Variants in LRP1B observed in about 807,000 individuals in gnomAD.
LRP1B encodes the protein low-density lipoprotein receptor-related protein 1B.
A neutral mutation model predicts 556.6 loss-of-function variants in LRP1B; 217 were observed. The observed-to-expected ratio is 0.39, with a 90% CI of 0.35 to 0.44. The LOEUF (loss-of-function observed/expected upper bound fraction) is 0.44, where lower values mean the gene tolerates loss of function less well. Ranked by LOEUF, LRP1B falls within the 20% of genes least tolerant of loss-of-function variation. The pLI is 1.00. For synonymous variants in LRP1B, 2,047 were observed against 1,865.8 expected, an observed-to-expected ratio of 1.10 and a Z score of -2.50; for missense variants, 5,053 against 5,620.8, an observed-to-expected ratio of 0.90 and a Z score of 3.23.
intron 1 of LRP1B, among the ~76,000 whole-genome samples, chr2:141,992,976 TC>T (rs1374089263): frequency 1.3e-5 from 2 of 152,140 alleles, no homozygotes; most frequent in Non-Finnish European, 2.9e-5. Flanking sequence ...GGCTGAATTT[TC>T]CAGGCAAATT....
chr2:141,698,756 G>A (rs777959528), intron 2 of LRP1B, among the ~76,000 whole-genome samples: 5 of 151,670 alleles, frequency 3.3e-5, no homozygotes, highest in African/African-American at 4.8e-5. Context: ...AAGAGCTTAG[G>A]GCATTAACTT....
At chr2:140,240,953 CACTTGCCAA>C (rs901981572) in intron 87 of LRP1B, among the ~76,000 whole-genome samples, 3 of 150,836 alleles carry the variant, frequency 2.0e-5, no homozygotes, top group Non-Finnish European at 4.5e-5. Context: ...CATACTGGAC[CACTTGCCAA>C]ATACCAAAAA....
intron 1 of LRP1B, among the ~76,000 whole-genome samples, chr2:141,918,528 T>C (rs1700098756): frequency 6.6e-6 from 1 of 152,070 alleles, no homozygotes; most frequent in Admixed American, 6.6e-5. Flanking sequence ...GTTTGGGAGC[T>C]GCTATGAGGG....
rs772669465 is a variant in LRP1B, at chr2:140,495,666, C to T, written c.8933G>A (p.Cys2978Tyr). 1.2e-6 allele frequency: 2 copies of T among 1,613,950 alleles called. No individual in the cohort carries two copies. Among genetic ancestry groups the T allele is most frequent in the Non-Finnish European group, 1.7e-6 (2 of 1,179,882 alleles). Residue 2978 changes from cysteine to tyrosine, a missense_variant, in exon 56 of 91, where the codon TGT (cysteine) becomes TAT (tyrosine). Around this residue, in one of 5 missense-constraint regions of LRP1B, gnomAD observed 3,619 missense variants for 3,931.9 expected, o/e 0.92. Transcript: ENST00000389484. ...GTATGTATTGATGCATTGCTGGCTA[C>T]AGGGAAAGCCTGAAGAGCATTCATC... ...DIDECSSGFPCSQQCINTYGT... is the reference protein window; with the variant it reads ...DIDECSSGFPYSQQCINTYGT...
At chr2:142,040,511 T>C (rs1026175491) in intron 1 of LRP1B, among the ~76,000 whole-genome samples, 1 of 151,302 alleles carries the variant, frequency 6.6e-6, no homozygotes, top group East Asian at 1.9e-4. Flanking sequence ...CTTATTCTTC[T>C]TGATAAAGAT....
chr2:140,634,682 A>G (rs1437072322), intron 41 of LRP1B, among the ~76,000 whole-genome samples: 1 of 152,108 alleles, frequency 6.6e-6, no homozygotes, highest in Non-Finnish European at 1.5e-5. Flanking sequence ...ACTTCCTCTC[A>G]ATTATTAATA....
At chr2:141,216,784 C>T (rs300376) in intron 6 of LRP1B, among the ~76,000 whole-genome samples, 151,735 of 152,324 alleles carry the variant, frequency 1, 75,578 homozygotes, top group Non-Finnish European at 1. Flanking sequence ...TACAGGGACA[C>T]GTAGCCCTTT....
intron 77 of LRP1B, among the ~76,000 whole-genome samples, chr2:140,344,794 C>T (rs996716216): frequency 4.6e-5 from 7 of 151,424 alleles, no homozygotes; most frequent in African/African-American, 1.5e-4. Flanking sequence ...GTGAGCTCAA[C>T]AAGGAAGTAA....
intron 7 of LRP1B, among the ~76,000 whole-genome samples, chr2:141,139,175 C>T (rs905686571): frequency 6.6e-6 from 1 of 151,538 alleles, no homozygotes; most frequent in South Asian, 2.1e-4. Context: ...ATGCCTTATA[C>T]CATACACAAC....
intron 43 of LRP1B, among the ~76,000 whole-genome samples, chr2:140,553,207 T>C (rs1680609117): frequency 6.6e-6 from 1 of 152,004 alleles, no homozygotes; most frequent in South Asian, 2.1e-4. Flanking sequence ...CAAAGAAATG[T>C]GGTAAATTGG....
Position 141,524,338 on chromosome 2 carries a change from C to T in LRP1B, c.206-43805G>A, listed in dbSNP as rs147869478. ...TTTCTTAAGTGAGCAACTTAGTGGCCTACTTATCAACTATTCCTTCTTCTG... is the reference window on the plus strand; with the variant it reads ...TTTCTTAAGTGAGCAACTTAGTGGCTTACTTATCAACTATTCCTTCTTCTG... On this transcript the variant is annotated intron_variant, in intron 2 of 90. Coordinates refer to ENST00000389484, the MANE Select transcript of LRP1B (RefSeq NM_018557.3). Among the ~76,000 whole-genome samples, 127 of 151,576 alleles carry T rather than the reference C, an allele frequency of 8.4e-4. 4 individuals are homozygous for T. In the East Asian group the frequency reaches 0.02, roughly 24 times the overall value.
At chr2:140,665,484 T>C (rs16844428) in intron 41 of LRP1B, among the ~76,000 whole-genome samples, 15,449 of 152,258 alleles carry the variant, frequency 0.1, 934 homozygotes, top group East Asian at 0.25. Flanking sequence ...GTCATTCTTC[T>C]GATAAATAAT....
intron 3 of LRP1B, among the ~76,000 whole-genome samples, chr2:141,459,493 G>A (rs951489484): frequency 6.6e-6 from 1 of 152,034 alleles, no homozygotes; most frequent in Non-Finnish European, 1.5e-5. Context: ...CTTTAGAGTT[G>A]GAGAAGGAAG....
intron 1 of LRP1B, among the ~76,000 whole-genome samples, chr2:142,085,723 T>C (rs1401653563): frequency 1.3e-5 from 2 of 152,226 alleles, no homozygotes; most frequent in Non-Finnish European, 2.9e-5. Context: ...GGCTATGCAA[T>C]GCCCAGTTTA....
intron 66 of LRP1B, among the ~76,000 whole-genome samples, chr2:140,387,402 ATATTT>A (rs1683804951): frequency 6.6e-6 from 1 of 152,234 alleles, no homozygotes; most frequent in African/African-American, 2.4e-5. Flanking sequence ...AATCCTCACA[ATATTT>A]TAAAGTATTG....
chr2:140,844,949 A>T (rs1692229632), intron 29 of LRP1B, among the ~76,000 whole-genome samples: 1 of 152,210 alleles, frequency 6.6e-6, no homozygotes. Flanking sequence ...TGAATTGCTC[A>T]GTGTAAAAGG....
chr2:141,809,712 A>G (rs1383553113), intron 2 of LRP1B, among the ~76,000 whole-genome samples: 2 of 148,276 alleles, frequency 1.3e-5, no homozygotes, highest in Non-Finnish European at 3.0e-5. Flanking sequence ...AAAGACAAAG[A>G]TCCTAACTCT....
At chr2:141,268,501 A>C (rs1684971408) in intron 3 of LRP1B, among the ~76,000 whole-genome samples, 2 of 152,144 alleles carry the variant, frequency 1.3e-5, no homozygotes, top group African/African-American at 4.8e-5. Context: ...TATTAAAATA[A>C]ATTTTGATAT....
At chr2:141,047,612 A>G (rs1169916173) in intron 11 of LRP1B, among the ~76,000 whole-genome samples, 1 of 152,088 alleles carries the variant, frequency 6.6e-6, no homozygotes, top group African/African-American at 2.4e-5. Context: ...CTTTGACTCA[A>G]AAGCATTTCT....
Sources: gnomAD v4.1 joint callset for allele counts (sites outside exome capture counted in the v4.1 genomes callset) on GRCh38, gnomAD v4.1.1 for gene constraint, gnomAD v4.1.1 regional missense constraint, MANE v1.5 for transcripts, NCBI Gene and HGNC (gene_info 2026-07-23, HGNC 2026-07-21) for gene names.